The following NCAM2 variants were observed in gnomAD, a reference collection of about 807,000 sequenced individuals.
NCAM2 encodes neural cell adhesion molecule 2.
Under a neutral mutation model 98.1 loss-of-function variants are expected in NCAM2, and 30 were observed. That is an observed-to-expected ratio of 0.31 (90% CI 0.23 to 0.41). The LOEUF is 0.41. NCAM2 is among the 10% of genes least tolerant of loss of function. The pLI, the probability that NCAM2 is intolerant of heterozygous loss-of-function variation, is 1.00. For synonymous variants in NCAM2, 368 were observed against 342.4 expected, an observed-to-expected ratio of 1.07 and a Z score of -0.83; for missense variants, 867 against 1,005.8, an observed-to-expected ratio of 0.86 and a Z score of 1.87.
At chr21:21,434,630 T>A (rs2077428625) in intron 12 of NCAM2, among the ~76,000 whole-genome samples, 1 of 152,178 alleles carries the variant, frequency 6.6e-6, no homozygotes, top group Non-Finnish European at 1.5e-5. Flanking sequence ...TATTTAATAA[T>A]ATATTTGGCA....
At chr21:21,399,626 G>C (rs150439211) in intron 9 of NCAM2, among the ~76,000 whole-genome samples, 120 of 152,086 alleles carry the variant, frequency 7.9e-4, no homozygotes, top group African/African-American at 2.7e-3. Flanking sequence ...ATTTGATTTA[G>C]AAAATGGATT....
chr21:21,001,491 A>G (rs1399824884), intron 1 of NCAM2, among the ~76,000 whole-genome samples: 3 of 152,220 alleles, frequency 2.0e-5, no homozygotes, highest in Non-Finnish European at 4.4e-5. Context: ...CTTTGTAATC[A>G]TAAATCTCAA....
At chr21:21,421,526 G>T (rs1266123415) in intron 11 of NCAM2, among the ~76,000 whole-genome samples, 1 of 152,008 alleles carries the variant, frequency 6.6e-6, no homozygotes, top group Non-Finnish European at 1.5e-5. Context: ...AGCCTTAGAT[G>T]GGAAACATGC....
chr21:21,139,256 G>C (rs2067120128), intron 1 of NCAM2, among the ~76,000 whole-genome samples: 1 of 152,228 alleles, frequency 6.6e-6, no homozygotes, highest in Admixed American at 6.5e-5. Flanking sequence ...ACCAGAAGCT[G>C]TAAGAGGCAA....
intron 8 of NCAM2, among the ~76,000 whole-genome samples, chr21:21,343,345 C>T (rs1181418113): frequency 9.2e-6 from 1 of 108,362 alleles, no homozygotes; most frequent in Non-Finnish European, 1.9e-5. Flanking sequence ...AAGTTAACAA[C>T]TATCTATACA....
At chr21:21,045,455 G>T (rs1346867977) in intron 1 of NCAM2, among the ~76,000 whole-genome samples, 1 of 152,146 alleles carries the variant, frequency 6.6e-6, no homozygotes, top group East Asian at 1.9e-4. Flanking sequence ...ACCAATCTGG[G>T]CAACATAGTG....
At chr21:21,292,852 T>C (rs970662500) in intron 5 of NCAM2, among the ~76,000 whole-genome samples, 3 of 151,840 alleles carry the variant, frequency 2.0e-5, no homozygotes, top group Non-Finnish European at 4.4e-5. Flanking sequence ...GAGTAATTTA[T>C]AAAGAAAGGA....
chr21:21,511,275 C>T (rs547953252), intron 16 of NCAM2, among the ~76,000 whole-genome samples: 17 of 152,034 alleles, frequency 1.1e-4, no homozygotes, highest in African/African-American at 2.2e-4. Context: ...CCCCCATTCC[C>T]CCTTCCTTGT....
intron 8 of NCAM2, among the ~76,000 whole-genome samples, chr21:21,343,760 A>C (rs920709723): frequency 6.6e-6 from 1 of 152,162 alleles, no homozygotes; most frequent in Non-Finnish European, 1.5e-5. Context: ...GTGAGGACCA[A>C]AGTGCTCTGT....
At chr21:21,179,269 C>T (rs865956893) in intron 1 of NCAM2, among the ~76,000 whole-genome samples, 1 of 151,598 alleles carries the variant, frequency 6.6e-6, no homozygotes, top group Non-Finnish European at 1.5e-5. Context: ...TCAACAGCTA[C>T]TTGGTAATGT....
At position 21,511,494 on chromosome 21, in the gene NCAM2, T is replaced by C. The variant is rs1988376605; in HGVS notation, c.2282+2439T>C. On this transcript the variant is annotated intron_variant, in intron 16 of 17. Coordinates refer to ENST00000400546, the MANE Select transcript of NCAM2 (RefSeq NM_004540.5). ...TATTTAGCAAATTTTCATCCATTCA[T>C]CCATGGATGGACACTTAGGTCAATT... Among the ~76,000 whole-genome samples, 6 of 152,104 alleles carry C rather than the reference T, an allele frequency of 3.9e-5. 1 individual carries two copies. In the South Asian group the frequency reaches 1.2e-3, roughly 31 times the overall value.
chr21:21,405,971 T>C (rs534405963), intron 9 of NCAM2, among the ~76,000 whole-genome samples: 2 of 152,278 alleles, frequency 1.3e-5, no homozygotes, highest in African/African-American at 2.4e-5. Context: ...TTACCAAAAG[T>C]AACCCACTAT....
At position 21,195,348 on chromosome 21, in the gene NCAM2, T is replaced by C. The variant is rs73334370; in HGVS notation, c.56-85230T>C. Among the ~76,000 whole-genome samples the C allele has an allele frequency of 3.4e-3, 517 of 152,262 alleles. 6 individuals are homozygous for C. The highest frequency in any genetic ancestry group is 0.012 in the African/African-American group (494 of 41,562). On this transcript the variant is annotated intron_variant, in intron 1 of 17. Transcript: ENST00000400546. ...ACTTTCAGTAAAATTATTCTACAGATAAAGCTTTGAGTATGTATCTCATCC... is the reference window on the plus strand; with the variant it reads ...ACTTTCAGTAAAATTATTCTACAGACAAAGCTTTGAGTATGTATCTCATCC...
At chr21:21,199,400 G>C (rs1018093953) in intron 1 of NCAM2, among the ~76,000 whole-genome samples, 1 of 152,142 alleles carries the variant, frequency 6.6e-6, no homozygotes, top group Admixed American at 6.6e-5. Context: ...ATTCGGACTT[G>C]TGTGGCTCAG....
intron 12 of NCAM2, among the ~76,000 whole-genome samples, chr21:21,444,235 C>G (rs1031022021): frequency 5.9e-5 from 9 of 152,088 alleles, no homozygotes; most frequent in African/African-American, 2.2e-4. Flanking sequence ...TTCAGTTTGC[C>G]AGTATTTTAT....
chr21:21,527,169 T>C (rs1369501859), intron 16 of NCAM2, among the ~76,000 whole-genome samples: 1 of 151,600 alleles, frequency 6.6e-6, no homozygotes, highest in African/African-American at 2.4e-5. Flanking sequence ...TAGAGTGCAG[T>C]GGCCTGATCT....
At chr21:21,486,129 C>T (rs187764136) in intron 15 of NCAM2, among the ~76,000 whole-genome samples, 5 of 151,926 alleles carry the variant, frequency 3.3e-5, no homozygotes, top group Admixed American at 6.6e-5. Context: ...CGGTAAAACC[C>T]CGTCTCTACT....
rs2066177114 is a variant in NCAM2, at chr21:21,098,754, G to A, written c.55+100136G>A. Among the ~76,000 whole-genome samples the A allele has an allele frequency of 2.0e-5, 3 of 151,850 alleles. No individual in the cohort carries two copies. In the South Asian group the frequency reaches 6.2e-4, roughly 31 times the overall value. The stretch of plus-strand genomic sequence containing the variant: ...GAATGTTTATTAACTGTACTAGTAT[G>A]ATATGTGAAGATGGACAAAAAAAGA... On this transcript the variant is annotated intron_variant, in intron 1 of 17. Coordinates refer to ENST00000400546, the MANE Select transcript of NCAM2 (RefSeq NM_004540.5).
At chr21:21,388,095 G>A (rs939659605) in intron 9 of NCAM2, among the ~76,000 whole-genome samples, 8 of 152,156 alleles carry the variant, frequency 5.3e-5, no homozygotes, top group Non-Finnish European at 1.2e-4. Flanking sequence ...CCAGGCTGAA[G>A]AGGCAATAAG....
Sources: gnomAD v4.1 joint callset for allele counts (sites outside exome capture counted in the v4.1 genomes callset) on GRCh38, gnomAD v4.1.1 for gene constraint, MANE v1.5 for transcripts, NCBI Gene and HGNC (gene_info 2026-07-23, HGNC 2026-07-21) for gene names.